Variants in ANO4 observed in about 807,000 individuals in gnomAD.
ANO4 encodes the protein anoctamin-4.
A neutral mutation model predicts 141.9 loss-of-function variants in ANO4; 69 were observed. That is an observed-to-expected ratio of 0.49 (90% CI 0.40 to 0.59). The LOEUF (loss-of-function observed/expected upper bound fraction) is 0.59, where lower values mean the gene tolerates loss of function less well. Ranked by LOEUF, ANO4 falls within the 20% of genes least tolerant of loss-of-function variation. The pLI is 0.00. For missense variants in ANO4, 894 were observed against 1,162.2 expected, an observed-to-expected ratio of 0.77 and a Z score of 3.36; for synonymous variants, 350 against 394.3, an observed-to-expected ratio of 0.89 and a Z score of 1.33.
At chr12:100,723,929 A>G (rs1371470007) in intron 1 of ANO4, among the ~76,000 whole-genome samples, 1 of 152,172 alleles carries the variant, frequency 6.6e-6, no homozygotes, top group Non-Finnish European at 1.5e-5. Context: ...CTCCCAAGGA[A>G]GTTTCTAGAA....
intron 1 of ANO4, among the ~76,000 whole-genome samples, chr12:100,815,884 T>G (rs1176847363): frequency 6.6e-6 from 1 of 152,094 alleles, no homozygotes; most frequent in African/African-American, 2.4e-5. Flanking sequence ...ATTTGGCATA[T>G]TTAAATATTG....
intron 1 of ANO4, among the ~76,000 whole-genome samples, chr12:100,825,430 G>A (rs934500366): frequency 1.2e-4 from 18 of 151,914 alleles, no homozygotes; most frequent in Non-Finnish European, 1.3e-4. Context: ...GAAACATTAC[G>A]TGATGCTCAG....
At chr12:101,004,946 A>G (rs2045809164) in intron 8 of ANO4, among the ~76,000 whole-genome samples, 1 of 152,208 alleles carries the variant, frequency 6.6e-6, no homozygotes, top group Non-Finnish European at 1.5e-5. Context: ...ACCAACTTCC[A>G]GATTTTGCAG....
chr12:100,893,753 G>A (rs1405846207), intron 1 of ANO4, among the ~76,000 whole-genome samples: 3 of 152,122 alleles, frequency 2.0e-5, no homozygotes, highest in Non-Finnish European at 2.9e-5. Flanking sequence ...CGAATCAGGG[G>A]CAATAATCTA....
At chr12:100,841,404 A>G (rs2135811261) in intron 1 of ANO4, among the ~76,000 whole-genome samples, 1 of 152,304 alleles carries the variant, frequency 6.6e-6, no homozygotes, top group African/African-American at 2.4e-5. Flanking sequence ...AATAAGACAA[A>G]GTCTATATCC....
chr12:100,981,261 G>A (rs1392414023), intron 7 of ANO4, among the ~76,000 whole-genome samples: 1 of 152,196 alleles, frequency 6.6e-6, no homozygotes, highest in Non-Finnish European at 1.5e-5. Flanking sequence ...TGACCTAAAA[G>A]AATAACATTA....
At position 100,919,903 on chromosome 12, in the gene ANO4, G is replaced by A. The variant is rs548234843; in HGVS notation, c.56-2323G>A. Among the ~76,000 whole-genome samples the A allele has an allele frequency of 3.8e-4, 57 of 151,626 alleles. 2 individuals are homozygous for A. The South Asian group carries it at 9.6e-3, about 25-fold the overall frequency. On this transcript the variant is annotated intron_variant, in intron 2 of 27. Transcript: ENST00000392977. ...TAATGGCCTGTATGCTTCCTTTATG[G>A]TGCTTCTTTTGTGTCTTATACTTCT...
intron 14 of ANO4, chr12:101,066,997 C>CAAAAAAAAAAAAAAAAAAAAA: frequency 2.2e-5 from 4 of 181,524 alleles, no homozygotes; most frequent in Middle Eastern, 1.8e-3. Context: ...TAAAGTATAA[C>CAAAAAAAAAAAAAAAAAAAAA]AAAAAAAAAA....
chr12:101,092,535 C>T (rs988548763), intron 17 of ANO4, among the ~76,000 whole-genome samples: 4 of 145,314 alleles, frequency 2.8e-5, no homozygotes, highest in Non-Finnish European at 6.1e-5. Context: ...GCTGTGAGTC[C>T]CTCTGTGTGT....
chr12:101,086,965 G>T, intron 17 of ANO4, 141 bp downstream of exon 17: 1 of 944,284 alleles, frequency 1.1e-6, no homozygotes, highest in Admixed American at 3.0e-5. Context: ...GAAGTGCCTG[G>T]CATGAAGATG....
intron 5 of ANO4, among the ~76,000 whole-genome samples, chr12:100,966,576 A>T (rs2043663593): frequency 6.6e-6 from 1 of 151,928 alleles, no homozygotes. Flanking sequence ...CCAGACTTCT[A>T]CCCTGAGCTC....
At chr12:100,998,412 T>TATCTATCTATCTATCCATCC (rs1370047334) in intron 8 of ANO4, among the ~76,000 whole-genome samples, 152 of 150,036 alleles carry the variant, frequency 1.0e-3, no homozygotes, top group African/African-American at 3.3e-3. Flanking sequence ...TCTATCTATC[T>TATCTATCTATCTATCCATCC]ATCCATCCTA....
chr12:101,024,411 C>T (rs915104112), intron 9 of ANO4, among the ~76,000 whole-genome samples: 7 of 152,076 alleles, frequency 4.6e-5, no homozygotes, highest in African/African-American at 9.7e-5. Flanking sequence ...GCCTGACCAA[C>T]GTGGTAAAAC....
intron 10 of ANO4, 119 bp from the exon 11 acceptor site, chr12:101,039,836 C>A: frequency 8.9e-7 from 1 of 1,123,612 alleles, no homozygotes; most frequent in Non-Finnish European, 1.3e-6. Context: ...AGAGAGGATT[C>A]ATTTCTTTCT....
intron 1 of ANO4, among the ~76,000 whole-genome samples, chr12:100,901,193 T>G (rs1007738712): frequency 1.3e-5 from 2 of 152,210 alleles, no homozygotes; most frequent in Non-Finnish European, 2.9e-5. Flanking sequence ...TACTATTCAT[T>G]TTGCTTTTGG....
chr12:100,747,706 C>T (rs750298319), intron 3 of ANO4, among the ~76,000 whole-genome samples: 1 of 152,144 alleles, frequency 6.6e-6, no homozygotes, highest in African/African-American at 2.4e-5. Flanking sequence ...AACCCTGTCT[C>T]TACTAAAAAT....
Position 101,036,014 on chromosome 12 carries a change from A to C in ANO4, c.842-1081A>C, listed in dbSNP as rs548711789. ...TGAACCTAAAATAAAAGTTAGAAGGAAAAAAATGTTAAAAGTTAAAATGGG... is the reference window on the plus strand; with the variant it reads ...TGAACCTAAAATAAAAGTTAGAAGGCAAAAAATGTTAAAAGTTAAAATGGG... On this transcript the variant is annotated intron_variant, in intron 9 of 27. Transcript: ENST00000392977. 2.0e-5 allele frequency among the ~76,000 whole-genome samples: 3 copies of C among 152,328 alleles called. No homozygotes were observed. In the East Asian group the frequency reaches 5.8e-4, roughly 29 times the overall value.
intron 3 of ANO4, among the ~76,000 whole-genome samples, chr12:100,789,564 A>G (rs556152662): frequency 6.6e-6 from 1 of 152,354 alleles, no homozygotes; most frequent in South Asian, 2.1e-4. Flanking sequence ...AAAAGTTCTC[A>G]AAGATAAGCG....
chr12:101,011,834 C>A (rs1429283601), intron 8 of ANO4, among the ~76,000 whole-genome samples: 2 of 152,112 alleles, frequency 1.3e-5, no homozygotes, highest in Admixed American at 1.3e-4. Context: ...GACTATAATT[C>A]TAAAATAATT....
Sources: gnomAD v4.1 joint callset for allele counts (sites outside exome capture counted in the v4.1 genomes callset) on GRCh38, gnomAD v4.1.1 for gene constraint, MANE v1.5 for transcripts, NCBI Gene and HGNC (gene_info 2026-07-23, HGNC 2026-07-21) for gene names.